The following ADGRG7 variants were observed in gnomAD, a reference collection of about 807,000 sequenced individuals.
ADGRG7 encodes G-protein coupled receptor 128.
In ADGRG7, 82 loss-of-function variants were observed where a neutral mutation model predicts 88.6. The observed-to-expected ratio is 0.93, with a 90% CI of 0.77 to 1.11. The LOEUF is 1.11. Among genes scored for constraint, ADGRG7 ranks in the 50% most tolerant of loss-of-function variants. ADGRG7 has a pLI of 0.00. For missense variants in ADGRG7, 945 were observed against 953.4 expected, an observed-to-expected ratio of 0.99 and a Z score of 0.12; for synonymous variants, 381 against 345.2, an observed-to-expected ratio of 1.10 and a Z score of -1.15.
Position 100,637,297 on chromosome 3 carries a change from G to A in ADGRG7, c.598-5G>A. On this transcript the variant is annotated splice_polypyrimidine_tract_variant and splice_region_variant and intron_variant, in intron 5 of 15. Transcript: ENST00000273352. ...CTCTGATGATCAGTATCTTCTCTTT[G>A]GCAGGCAAAGAAAGTTGCCATAGTA... The A allele has an allele frequency of 1.3e-6, 2 of 1,597,014 alleles. No individual in the cohort carries two copies. Among genetic ancestry groups the A allele is most frequent in the East Asian group, 2.2e-5 (1 of 44,736 alleles).
intron 1 of ADGRG7, among the ~76,000 whole-genome samples, chr3:100,628,587 C>T (rs1352586066): frequency 2.0e-5 from 3 of 152,120 alleles, no homozygotes; most frequent in African/African-American, 7.2e-5. Context: ...AACTCCTGAC[C>T]TCAAGTGATC....
chr3:100,610,580 C>T (rs1707132607), intron 1 of ADGRG7, among the ~76,000 whole-genome samples: 1 of 152,194 alleles, frequency 6.6e-6, no homozygotes, highest in South Asian at 2.1e-4. Context: ...TGTGCCAGAG[C>T]TGGCCTGGAA....
intron 15 of ADGRG7, among the ~76,000 whole-genome samples, chr3:100,685,857 C>T (rs2094981570): frequency 6.6e-6 from 1 of 152,174 alleles, no homozygotes; most frequent in South Asian, 2.1e-4. Flanking sequence ...GTTCTTATAG[C>T]AGCATGATTT....
chr3:100,645,917 T>A, intron 8 of ADGRG7, 28 bp from the exon 9 acceptor site: 3 of 1,598,796 alleles, frequency 1.9e-6, no homozygotes, highest in Admixed American at 1.7e-5. Context: ...GTGCACTTAT[T>A]GATTTTAATG....
At chr3:100,684,941 T>C (rs1009154677) in intron 15 of ADGRG7, among the ~76,000 whole-genome samples, 1 of 152,088 alleles carries the variant, frequency 6.6e-6, no homozygotes, top group African/African-American at 2.4e-5. Flanking sequence ...ATTTATCATG[T>C]TGTGGTTAAG....
rs567280343 is a variant in ADGRG7 at position 100,671,004 on chromosome 3, A to G, written c.2136+1899A>G. Among the ~76,000 whole-genome samples, 8 of 152,330 alleles carry G rather than the reference A, an allele frequency of 5.3e-5. No individual in the cohort carries two copies. The South Asian group carries it at 8.3e-4, about 16-fold the overall frequency. ...CTTTGCTATTGTGAATAGTGCTGCAATAAACATACATGTGCATGTGTCTTT... is the reference window on the plus strand; with the variant it reads ...CTTTGCTATTGTGAATAGTGCTGCAGTAAACATACATGTGCATGTGTCTTT... On this transcript the variant is annotated intron_variant, in intron 15 of 15. Coordinates refer to ENST00000273352, the MANE Select transcript of ADGRG7 (RefSeq NM_032787.3).
chr3:100,652,606 A>G (rs1465607848), intron 11 of ADGRG7, among the ~76,000 whole-genome samples: 1 of 152,176 alleles, frequency 6.6e-6, no homozygotes, highest in African/African-American at 2.4e-5. Context: ...AATAAGGAAA[A>G]TAATACATGT....
intron 14 of ADGRG7, among the ~76,000 whole-genome samples, chr3:100,663,358 A>C (rs1364477226): frequency 6.6e-6 from 1 of 152,096 alleles, no homozygotes; most frequent in Non-Finnish European, 1.5e-5. Context: ...ACTCACTTGG[A>C]TTACATTTGC....
Position 100,629,621 on chromosome 3 carries a change from AC to A in ADGRG7, c.143del (p.Pro48LeufsTer25). 1.2e-6 allele frequency: 2 copies of A among 1,612,522 alleles called. No homozygotes were observed. Among genetic ancestry groups the A allele is most frequent in the Non-Finnish European group, 1.7e-6 (2 of 1,178,942 alleles). On this transcript the variant is annotated frameshift_variant, in exon 2 of 16. Coordinates refer to ENST00000273352, the MANE Select transcript of ADGRG7 (RefSeq NM_032787.3). LOFTEE classifies it high-confidence loss of function. Reference sequence around the variant, plus strand: ...AGGAAAATCTACTTCCTCATCAAGCACCCCTACAGAGTTCTGCAGGAATGGT... The same window carrying A: ...AGGAAAATCTACTTCCTCATCAAGCACCCTACAGAGTTCTGCAGGAATGGT... ...QRGKSTSSSS[T>X]PTEFCRNGGT...
intron 9 of ADGRG7, 176 bp downstream of exon 9, chr3:100,646,284 G>A (rs1175509062): frequency 7.9e-6 from 5 of 634,468 alleles, no homozygotes; most frequent in Admixed American, 3.2e-5. Flanking sequence ...GCAAAAGCAG[G>A]GATATGTTGA....
In ADGRG7 at chr3:100,646,086, T is replaced by A. The variant is rs751020877; in HGVS notation, c.1088T>A (p.Val363Asp). ...DENEQDQSASVDMVFSPKYNQ... is the reference protein window; with the variant it reads ...DENEQDQSASDDMVFSPKYNQ... ...AATGAGCAAGATCAGAGTGCTTCTG[T>A]TGACATGGTCTTTAGTCCAAAGGTG... The change falls in exon 9 of 16, where the codon GTT becomes GAT. Residue 363 changes from valine to aspartate, a missense_variant. Transcript: ENST00000273352. 1 of 1,613,886 alleles carries A rather than the reference T, an allele frequency of 6.2e-7. No homozygotes were observed. The highest frequency in any genetic ancestry group is 8.5e-7 in the Non-Finnish European group (1 of 1,179,950).
rs370569749 is a variant in ADGRG7 at position 100,635,714 on chromosome 3, C to T, written c.485C>T (p.Ser162Phe). ...DVTAPLNNIS[S>F]EVQILTSDAN... ...ACAGCACCACTTAATAACATTTCTT[C>T]TGAAGTCCAGATTTTAACATCTGAT... is the stretch of plus-strand genomic sequence containing the variant. Residue 162 changes from serine (S) to phenylalanine (F), a missense_variant, in exon 5 of 16, where the codon TCT becomes TTT. Ser to Phe is a radical substitution (Grantham distance 155, BLOSUM62 -2). Transcript: ENST00000273352. 6.2e-7 allele frequency: 1 copy of T among 1,613,798 alleles called. No individual in the cohort carries two copies. Among genetic ancestry groups the T allele is most frequent in the Non-Finnish European group, 8.5e-7 (1 of 1,179,898 alleles).
chr3:100,693,943 T>C (rs2094998059), intron 15 of ADGRG7, among the ~76,000 whole-genome samples: 1 of 152,244 alleles, frequency 6.6e-6, no homozygotes, highest in Non-Finnish European at 1.5e-5. Context: ...GGCAACAGTA[T>C]AGGCAGCACC....
chr3:100,654,456 C>T (rs6763086), intron 11 of ADGRG7: 86,236 of 165,744 alleles, frequency 0.52, 24,488 homozygotes, highest in South Asian at 0.76. Context: ...GGCTGCCAGG[C>T]CTTCTGTTGC....
At chr3:100,623,955 G>A (rs1707347708) in intron 1 of ADGRG7, among the ~76,000 whole-genome samples, 1 of 152,064 alleles carries the variant, frequency 6.6e-6, no homozygotes, top group South Asian at 2.1e-4. Context: ...TATCATTGAT[G>A]GACATTTGGG....
At position 100,695,047 on chromosome 3, in the gene ADGRG7, G is replaced by C; in HGVS notation, c.*46G>C. The C allele has an allele frequency of 5.1e-6, 8 of 1,569,214 alleles. No homozygotes were observed. The highest frequency in any genetic ancestry group is 6.9e-6 in the Non-Finnish European group (8 of 1,152,828). On this transcript the variant is annotated 3_prime_UTR_variant, in exon 16 of 16. Coordinates refer to ENST00000273352, the MANE Select transcript of ADGRG7 (RefSeq NM_032787.3). ...TGGTCTTTTTAATCACCTCGTTTGA[G>C]TTTTATCTGTTTCTCTCCTTTATTT...
chr3:100,673,048 T>G (rs2094960668), intron 15 of ADGRG7, among the ~76,000 whole-genome samples: 1 of 152,150 alleles, frequency 6.6e-6, no homozygotes, highest in Admixed American at 6.5e-5. Flanking sequence ...CTGCTAGGTT[T>G]TGGAATCAGG....
chr3:100,622,319 G>A (rs1371594859), intron 1 of ADGRG7, among the ~76,000 whole-genome samples: 1 of 105,702 alleles, frequency 9.5e-6, no homozygotes, highest in African/African-American at 4.8e-5. Flanking sequence ...CGCAATATTT[G>A]TTGAAAAGAC....
chr3:100,640,537 T>A (rs368754972), intron 6 of ADGRG7, among the ~76,000 whole-genome samples: 3 of 152,074 alleles, frequency 2.0e-5, no homozygotes, highest in Non-Finnish European at 2.9e-5. Context: ...TTTTCCTTTT[T>A]TTGAGACGGA....
Sources: gnomAD v4.1 joint callset for allele counts (sites outside exome capture counted in the v4.1 genomes callset) on GRCh38, gnomAD v4.1.1 for gene constraint, MANE v1.5 for transcripts, NCBI Gene and HGNC (gene_info 2026-07-23, HGNC 2026-07-21) for gene names.